The following GLYATL1 variants were observed in gnomAD, a reference collection of about 807,000 sequenced individuals.
GLYATL1 encodes the protein glycine-N-acyltransferase like 1, also known as glycine N-acyltransferase-like protein 1.
GLYATL1 carries 15 observed loss-of-function variants against 20.0 expected under a neutral mutation model. The observed-to-expected ratio is 0.75, with a 90% CI of 0.50 to 1.15. GLYATL1 has a LOEUF of 1.15. Ranked by LOEUF, GLYATL1 falls within the 50% of genes most tolerant of loss-of-function variation. The pLI is 0.00. For missense variants in GLYATL1, 380 were observed against 368.5 expected, an observed-to-expected ratio of 1.03 and a Z score of -0.26; for synonymous variants, 151 against 131.5, an observed-to-expected ratio of 1.15 and a Z score of -1.01.
chr11:58,956,322 C>T lies in GLYATL1; in HGVS notation c.*295C>T, dbSNP rs147958592. The T allele has an allele frequency of 2.7e-3, 968 of 357,240 alleles. 6 individuals carry two copies. Among genetic ancestry groups the T allele is most frequent in the African/African-American group, 0.018 (873 of 49,432 alleles). 22.1% of individuals were successfully genotyped at this position (357,240 alleles called of 1,614,324 possible). A position where few individuals can be genotyped will look rare whatever the true frequency, so the allele number is the denominator to read the frequency against. On this transcript the variant is annotated 3_prime_UTR_variant, in exon 7 of 7. Transcript: ENST00000532726. ...AGGCTCAGTTCTTACCTCTGGGAATCAGAACTCTTTATGCAACTTGGTTAA... is the reference window on the plus strand; with the variant it reads ...AGGCTCAGTTCTTACCTCTGGGAATTAGAACTCTTTATGCAACTTGGTTAA...
chr11:58,937,180 C>T (rs1024872964), upstream of GLYATL1, among the ~76,000 whole-genome samples: 1 of 152,200 alleles, frequency 6.6e-6, no homozygotes, highest in East Asian at 1.9e-4. Context: ...GGTGCAGCCA[C>T]ATCTAAAGCC....
At chr11:58,908,338 T>A (rs1252726686) in exon 2 of GLYATL1, 1 of 152,656 alleles carries the variant, frequency 6.6e-6, no homozygotes, top group East Asian at 1.9e-4. Flanking sequence ...GTCCAGTGTT[T>A]GAAAGTGGTT....
At chr11:58,948,086 T>C in intron 4 of GLYATL1, 121 bp downstream of exon 4, 2 of 686,994 alleles carry the variant, frequency 2.9e-6, no homozygotes, top group Non-Finnish European at 5.3e-6. Context: ...TTTAAAACAC[T>C]CCTTCAGTAC....
At chr11:58,932,299 C>T (rs1244231768) in intron 1 of GLYATL1, among the ~76,000 whole-genome samples, 1 of 151,962 alleles carries the variant, frequency 6.6e-6, no homozygotes, top group Non-Finnish European at 1.5e-5. Context: ...TTGATGAAGA[C>T]ATAGAATAAT....
intron 5 of GLYATL1, 63 bp from the exon 6 acceptor site, chr11:58,955,113 T>C (rs931192908): frequency 1.7e-5 from 25 of 1,473,786 alleles, no homozygotes; most frequent in African/African-American, 2.8e-5. Context: ...ATTAATCAGG[T>C]GGGAGCAGTG....
chr11:58,941,505 G>A (rs890454683), intron 1 of GLYATL1, among the ~76,000 whole-genome samples: 9 of 152,070 alleles, frequency 5.9e-5, no homozygotes, highest in African/African-American at 9.7e-5. Context: ...ATAAACATAC[G>A]TGTGCATGTG....
chr11:58,948,638 T>G (rs1179406319), intron 4 of GLYATL1, among the ~76,000 whole-genome samples: 2 of 149,666 alleles, frequency 1.3e-5, no homozygotes, highest in Non-Finnish European at 3.0e-5. Context: ...GAGACCCTGT[T>G]GTTTTTGTTT....
At chr11:58,945,062 C>T (rs377673390) in intron 2 of GLYATL1, among the ~76,000 whole-genome samples, 2 of 118,690 alleles carry the variant, frequency 1.7e-5, no homozygotes, top group African/African-American at 3.0e-5. Flanking sequence ...TATATATATA[C>T]CCCTAGCCAG....
chr11:58,906,781 T>A (rs535428385), intron 1 of GLYATL1, among the ~76,000 whole-genome samples: 2 of 152,342 alleles, frequency 1.3e-5, no homozygotes, highest in South Asian at 4.1e-4. Context: ...AAGCACAGGT[T>A]ACCTTCATAG....
At chr11:58,912,835 T>C (rs1304036819), downstream of GLYATL1, among the ~76,000 whole-genome samples, 1 of 152,204 alleles carries the variant, frequency 6.6e-6, no homozygotes, top group East Asian at 1.9e-4. Context: ...CTTGTGGACC[T>C]TACGTTTTAA....
At chr11:58,907,127 C>A (rs1312065970) in intron 1 of GLYATL1, 1 of 365,056 alleles carries the variant, frequency 2.7e-6, no homozygotes, top group Non-Finnish European at 5.5e-6. Context: ...TGGTTCTTTC[C>A]TGGCCTTGGA....
chr11:58,921,736 C>T (rs559391465), intron 1 of GLYATL1, among the ~76,000 whole-genome samples: 1 of 152,294 alleles, frequency 6.6e-6, no homozygotes, highest in East Asian at 1.9e-4. Context: ...TCCCAAGCCT[C>T]CGTTCAGCCT....
At chr11:58,940,817 A>T (rs550355007) in intron 1 of GLYATL1, among the ~76,000 whole-genome samples, 1 of 152,248 alleles carries the variant, frequency 6.6e-6, no homozygotes, top group South Asian at 2.1e-4. Flanking sequence ...AAATTAAACA[A>T]TTAGCCAAGC....
At chr11:58,917,880 C>T (rs966240257) in intron 1 of GLYATL1, among the ~76,000 whole-genome samples, 1 of 152,220 alleles carries the variant, frequency 6.6e-6, no homozygotes, top group African/African-American at 2.4e-5. Context: ...AAGACTTCAC[C>T]TGGGTCCAGG....
intron 1 of GLYATL1, chr11:58,907,219 C>T (rs941815927): frequency 2.0e-5 from 7 of 355,324 alleles, no homozygotes; most frequent in Admixed American, 2.9e-5. Flanking sequence ...AGTTTTCTGT[C>T]TCTCTCTCTC....
chr11:58,934,407 G>A (rs1855736857), intron 1 of GLYATL1: 1 of 152,388 alleles, frequency 6.6e-6, no homozygotes, highest in African/African-American at 2.4e-5. Flanking sequence ...TAGGGCTGTG[G>A]TGAGATGGGG....
At chr11:58,955,033 C>A in intron 5 of GLYATL1, 137 bp downstream of exon 5, 1 of 1,234,264 alleles carries the variant, frequency 8.1e-7, no homozygotes, top group Non-Finnish European at 1.1e-6. Context: ...GTGGAGCAAT[C>A]TGTGGTGTGA....
chr11:58,937,432 G>A (rs1403193861), upstream of GLYATL1, among the ~76,000 whole-genome samples: 1 of 152,144 alleles, frequency 6.6e-6, no homozygotes, highest in Non-Finnish European at 1.5e-5. Flanking sequence ...AAGACTTCTG[G>A]AGAGAAAAAA....
chr11:58,952,280 C>T (rs191998819), intron 4 of GLYATL1, among the ~76,000 whole-genome samples: 35 of 152,270 alleles, frequency 2.3e-4, no homozygotes, highest in Non-Finnish European at 4.6e-4. Flanking sequence ...ATTTATTACA[C>T]TAAAAGACCT....
Sources: allele counts gnomAD v4.1 joint callset (sites outside exome capture counted in the v4.1 genomes callset), GRCh38; gene constraint gnomAD v4.1.1; transcripts MANE v1.5; gene names NCBI Gene and HGNC (gene_info 2026-07-23, HGNC 2026-07-21).